Variants in NCAM2 observed in about 807,000 individuals in gnomAD.
The protein encoded by NCAM2 is neural cell adhesion molecule 2.
Under a neutral mutation model 98.1 loss-of-function variants are expected in NCAM2, and 30 were observed. The ratio of observed to expected loss-of-function variants is 0.31; its 90% CI spans 0.23 to 0.41. The LOEUF (loss-of-function observed/expected upper bound fraction) is 0.41. NCAM2 is among the 10% of genes least tolerant of loss of function. The pLI is 1.00. For missense variants in NCAM2, 867 were observed against 1,005.8 expected (o/e 0.86, Z 1.87); for synonymous variants, 368 against 342.4 (o/e 1.07, Z -0.83).
At chr21:21,315,031 C>T (rs891401346) in intron 5 of NCAM2, among the ~76,000 whole-genome samples, 1 of 152,202 alleles carries the variant, frequency 6.6e-6, no homozygotes, top group Non-Finnish European at 1.5e-5. Flanking sequence ...CATAATCAGA[C>T]TCTGGATCTT....
intron 8 of NCAM2, among the ~76,000 whole-genome samples, chr21:21,366,900 A>G (rs1298787188): frequency 1.3e-5 from 2 of 151,982 alleles, no homozygotes; most frequent in African/African-American, 2.4e-5. Flanking sequence ...TAAATTTTCG[A>G]TTTTAAAATA....
chr21:21,411,071 C>CATATATATGTGTATATATATAT (rs1471958720), intron 10 of NCAM2, among the ~76,000 whole-genome samples: 3 of 8,314 alleles, frequency 3.6e-4, no homozygotes, highest in African/African-American at 1.6e-3. Context: ...TATATATATA[C>CATATATATGTGTATATATATAT]ACACACATAT....
At chr21:21,105,171 A>G (rs2066319874) in intron 1 of NCAM2, among the ~76,000 whole-genome samples, 2 of 152,184 alleles carry the variant, frequency 1.3e-5, no homozygotes, top group Non-Finnish European at 2.9e-5. Context: ...GTTTACAGAA[A>G]TAGATAATGA....
chr21:21,059,854 C>G (rs1885378197), intron 1 of NCAM2, among the ~76,000 whole-genome samples: 1 of 151,988 alleles, frequency 6.6e-6, no homozygotes, highest in Admixed American at 6.6e-5. Context: ...AGGGAAAGCA[C>G]CTCCACCCTC....
chr21:21,335,916 TG>T (rs34768934), intron 7 of NCAM2, among the ~76,000 whole-genome samples: 2 of 152,112 alleles, frequency 1.3e-5, no homozygotes, highest in East Asian at 3.9e-4. Context: ...TTACACCTAG[TG>T]GGGTTTGTCA....
intron 1 of NCAM2, among the ~76,000 whole-genome samples, chr21:21,268,010 G>C (rs1469509412): frequency 6.6e-6 from 1 of 152,036 alleles, no homozygotes; most frequent in African/African-American, 2.4e-5. Context: ...TTAGATACAT[G>C]CTCATATTCT....
intron 12 of NCAM2, among the ~76,000 whole-genome samples, chr21:21,465,200 A>T (rs1249766706): frequency 6.6e-6 from 1 of 151,890 alleles, no homozygotes; most frequent in Non-Finnish European, 1.5e-5. Context: ...ATTTTTATAT[A>T]TTTTTTCTTT....
intron 1 of NCAM2, among the ~76,000 whole-genome samples, chr21:21,071,298 C>CT (rs757378807): frequency 2.4e-4 from 36 of 152,250 alleles, no homozygotes; most frequent in Non-Finnish European, 4.0e-4. Context: ...CATGTGCCTG[C>CT]TATCAACTTA....
chr21:21,071,659 A>G (rs1439491377), intron 1 of NCAM2, among the ~76,000 whole-genome samples: 2 of 152,198 alleles, frequency 1.3e-5, no homozygotes, highest in Non-Finnish European at 2.9e-5. Flanking sequence ...ATCCGTCATA[A>G]TATTAACTTG....
intron 9 of NCAM2, among the ~76,000 whole-genome samples, chr21:21,379,244 A>C (rs880571): frequency 0.64 from 97,452 of 151,842 alleles, 31,472 homozygotes; most frequent in Middle Eastern, 0.73. Flanking sequence ...TTTCTATAAT[A>C]TGTCTGTTTT....
chr21:21,158,038 C>T lies in NCAM2; in HGVS notation c.56-122540C>T, dbSNP rs535360179. On this transcript the variant is annotated intron_variant, in intron 1 of 17. Coordinates refer to ENST00000400546, the MANE Select transcript of NCAM2 (RefSeq NM_004540.5). ...TGAAACTTATTAGCCGTGTAATCTTCGGAAATTTAAATGTTTCTCCCTATG... is the reference window on the plus strand; with the variant it reads ...TGAAACTTATTAGCCGTGTAATCTTTGGAAATTTAAATGTTTCTCCCTATG... 3.3e-5 allele frequency among the ~76,000 whole-genome samples: 5 copies of T among 152,174 alleles called. No individual in the cohort carries two copies. In the South Asian group the frequency reaches 8.3e-4, roughly 25 times the overall value.
At chr21:21,401,481 T>A (rs2076629223) in intron 9 of NCAM2, among the ~76,000 whole-genome samples, 1 of 152,178 alleles carries the variant, frequency 6.6e-6, no homozygotes, top group Non-Finnish European at 1.5e-5. Context: ...CACCATAACC[T>A]CTGGTAACCA....
intron 1 of NCAM2, among the ~76,000 whole-genome samples, chr21:21,082,887 C>A (rs1369325073): frequency 6.6e-6 from 1 of 152,176 alleles, no homozygotes; most frequent in East Asian, 1.9e-4. Flanking sequence ...CTGCGGGACA[C>A]CTATGTAACT....
chr21:21,269,727 C>A (rs1021202694), intron 1 of NCAM2, among the ~76,000 whole-genome samples: 3 of 152,058 alleles, frequency 2.0e-5, no homozygotes, highest in Non-Finnish European at 2.9e-5. Flanking sequence ...TAATTAAAAT[C>A]ATTATTTTTC....
intron 1 of NCAM2, among the ~76,000 whole-genome samples, chr21:21,280,169 C>CGT (rs3831437): frequency 1.5e-3 from 230 of 150,542 alleles, no homozygotes; most frequent in African/African-American, 3.5e-3. Context: ...AGTTAATTTG[C>CGT]GTGTGTGTGT....
chr21:21,370,121 C>G (rs1011927159), intron 8 of NCAM2, among the ~76,000 whole-genome samples: 2 of 151,754 alleles, frequency 1.3e-5, no homozygotes, highest in African/African-American at 4.8e-5. Flanking sequence ...CCTGACTTAT[C>G]ATTTTGACTT....
chr21:21,535,799 T>G (rs2146432410), intron 17 of NCAM2, among the ~76,000 whole-genome samples: 1 of 152,244 alleles, frequency 6.6e-6, no homozygotes, highest in Non-Finnish European at 1.5e-5. Flanking sequence ...ATTTAATAAC[T>G]ATTTCACAAT....
chr21:21,023,283 G>A (rs1195534752), intron 1 of NCAM2, among the ~76,000 whole-genome samples: 1 of 152,144 alleles, frequency 6.6e-6, no homozygotes, highest in African/African-American at 2.4e-5. Context: ...CAGCACTTTG[G>A]GAGGCCGAGG....
chr21:21,283,329 A>T (rs2147510782), intron 2 of NCAM2, among the ~76,000 whole-genome samples: 1 of 152,080 alleles, frequency 6.6e-6, no homozygotes, highest in Non-Finnish European at 1.5e-5. Flanking sequence ...CTTTTGAGTT[A>T]ATAGTGTCTG....
Sources: gnomAD v4.1 joint callset for allele counts (sites outside exome capture counted in the v4.1 genomes callset) on GRCh38, gnomAD v4.1.1 for gene constraint, MANE v1.5 for transcripts, NCBI Gene and HGNC (gene_info 2026-07-23, HGNC 2026-07-21) for gene names.